MARCHF1: variants seen among roughly 807,000 people sequenced by gnomAD.
MARCHF1 encodes membrane associated ring-CH-type finger 1.
A neutral mutation model predicts 54.2 loss-of-function variants in MARCHF1; 40 were observed. The ratio of observed to expected loss-of-function variants is 0.74; its 90% CI spans 0.57 to 0.96. MARCHF1 has a LOEUF of 0.96. MARCHF1 is among the 40% of genes least tolerant of loss of function. MARCHF1 has a pLI of 0.00. For synonymous variants in MARCHF1, 236 were observed against 236.3 expected, an observed-to-expected ratio of 1.00 and a Z score of 0.01; for missense variants, 586 against 656.5, an observed-to-expected ratio of 0.89 and a Z score of 1.17.
At chr4:164,378,473 A>G (rs1338396637) in intron 1 of MARCHF1, among the ~76,000 whole-genome samples, 2 of 152,246 alleles carry the variant, frequency 1.3e-5, no homozygotes, top group African/African-American at 2.4e-5. Context: ...GCGGATTCTC[A>G]GGAGTCTTGT....
intron 1 of MARCHF1, among the ~76,000 whole-genome samples, chr4:164,348,590 T>C (rs1272874923): frequency 6.6e-6 from 1 of 152,170 alleles, no homozygotes; most frequent in East Asian, 1.9e-4. Context: ...GAGACAGATC[T>C]TGAGAAACAC....
intron 3 of MARCHF1, among the ~76,000 whole-genome samples, chr4:163,918,481 CA>C (rs1751358036): frequency 1.3e-5 from 2 of 151,816 alleles, no homozygotes; most frequent in South Asian, 4.2e-4. Flanking sequence ...GGTAAGAGGC[CA>C]AAATCTGAAA....
intron 1 of MARCHF1, among the ~76,000 whole-genome samples, chr4:164,259,544 C>CAAAAAAAAAAAAAAAAA (rs141030578): frequency 1.7e-5 from 1 of 58,960 alleles, no homozygotes; most frequent in African/African-American, 5.5e-5. Context: ...GACCGTGTCT[C>CAAAAAAAAAAAAAAAAA]AAAAAAAAAA....
At chr4:164,001,808 C>T (rs1005827053) in intron 2 of MARCHF1, among the ~76,000 whole-genome samples, 10 of 151,696 alleles carry the variant, frequency 6.6e-5, no homozygotes, top group African/African-American at 1.9e-4. Context: ...TCCTAAAATC[C>T]GTATAACTGT....
intron 9 of MARCHF1, among the ~76,000 whole-genome samples, chr4:163,535,844 G>T (rs890691131): frequency 1.3e-5 from 2 of 151,522 alleles, no homozygotes; most frequent in African/African-American, 4.9e-5. Flanking sequence ...GTAGACCATA[G>T]GTTCACCACT....
intron 5 of MARCHF1, among the ~76,000 whole-genome samples, chr4:163,634,871 A>G (rs1402243855): frequency 2.2e-5 from 3 of 137,770 alleles, no homozygotes; most frequent in Non-Finnish European, 4.5e-5. Context: ...AGCAAATGTA[A>G]AAGAACAGAG....
intron 1 of MARCHF1, among the ~76,000 whole-genome samples, chr4:164,121,124 T>TA (rs755984941): frequency 6.6e-6 from 1 of 151,722 alleles, no homozygotes; most frequent in African/African-American, 2.4e-5. Flanking sequence ...AAATCAGAAA[T>TA]AAAAAAGGAG....
chr4:164,167,570 A>C (rs200480718), intron 1 of MARCHF1, among the ~76,000 whole-genome samples: 28,604 of 151,560 alleles, frequency 0.19, 4,321 homozygotes, highest in African/African-American at 0.41. Context: ...TAGTATTGTA[A>C]AAAAAAGACA....
intron 3 of MARCHF1, among the ~76,000 whole-genome samples, chr4:163,928,788 C>T (rs976369692): frequency 3.3e-5 from 5 of 151,868 alleles, no homozygotes; most frequent in African/African-American, 1.2e-4. Context: ...ACTTTAAGGA[C>T]TAACTTTTTA....
At chr4:164,220,375 T>C (rs967903785) in intron 1 of MARCHF1, among the ~76,000 whole-genome samples, 3 of 147,506 alleles carry the variant, frequency 2.0e-5, no homozygotes, top group African/African-American at 7.4e-5. Flanking sequence ...TTCCCATATA[T>C]ATTCCATTCC....
intron 4 of MARCHF1, among the ~76,000 whole-genome samples, chr4:163,817,337 A>G (rs1467937999): frequency 1.3e-5 from 2 of 151,932 alleles, no homozygotes; most frequent in African/African-American, 4.8e-5. Context: ...ATATACATAT[A>G]TATGTACATA....
rs532596306 is a variant in MARCHF1, at chr4:163,725,831, TA to T, written c.112-24969del. ...TGAAAGAATTAAATGAGATATTATG[TA>T]AAAGTTTTTAGCCTAACATACAGTT... On this transcript the variant is annotated intron_variant, in intron 4 of 9. Coordinates refer to ENST00000514618, the MANE Select transcript of MARCHF1 (RefSeq NM_001394959.1). Among the ~76,000 whole-genome samples the T allele has an allele frequency of 1.6e-3, 239 of 152,330 alleles. 3 individuals carry two copies. The highest frequency in any genetic ancestry group is 9.0e-3 in the Admixed American group (138 of 15,300).
chr4:163,712,296 G>T (rs902153615), intron 4 of MARCHF1, among the ~76,000 whole-genome samples: 8 of 152,162 alleles, frequency 5.3e-5, no homozygotes, highest in Non-Finnish European at 1.2e-4. Flanking sequence ...AAACCTTCAT[G>T]GGTCACACAC....
intron 2 of MARCHF1, among the ~76,000 whole-genome samples, chr4:164,073,257 C>T (rs953674541): frequency 9.2e-5 from 14 of 152,150 alleles, no homozygotes; most frequent in Admixed American, 2.0e-4. Flanking sequence ...AAATCCCCAT[C>T]AGTGATAGAC....
At position 164,090,689 on chromosome 4, in the gene MARCHF1, G is replaced by A. The variant is rs148995282; in HGVS notation, c.-248+20899C>T. Among the ~76,000 whole-genome samples, 273 of 152,084 alleles carry A rather than the reference G, an allele frequency of 1.8e-3. 1 individual carries two copies. Among genetic ancestry groups the A allele is most frequent in the Middle Eastern group, 3.4e-3 (1 of 294 alleles). ...AGTAATCTCAAGATTAACAGGATAG[G>A]ATTAAGAGATCTTATTGAGATAAGA... On this transcript the variant is annotated intron_variant, in intron 2 of 9. Transcript: ENST00000514618.
chr4:163,555,874 C>T (rs559199952), intron 8 of MARCHF1: 61 of 453,412 alleles, frequency 1.3e-4, no homozygotes, highest in African/African-American at 1.0e-3. Context: ...CTATGGCACA[C>T]GTGGAATCTG....
intron 4 of MARCHF1, among the ~76,000 whole-genome samples, chr4:163,770,215 A>G (rs919102344): frequency 1.3e-5 from 2 of 152,180 alleles, no homozygotes; most frequent in Non-Finnish European, 2.9e-5. Context: ...CAAAGCTTAT[A>G]CAGAAATTTT....
chr4:163,778,803 C>T (rs959558060), intron 4 of MARCHF1, among the ~76,000 whole-genome samples: 6 of 151,902 alleles, frequency 3.9e-5, no homozygotes, highest in Non-Finnish European at 7.4e-5. Context: ...ACAATGTGTA[C>T]ACGTGGATGA....
intron 1 of MARCHF1, among the ~76,000 whole-genome samples, chr4:164,277,571 G>A (rs1733919223): frequency 6.6e-6 from 1 of 152,288 alleles, no homozygotes; most frequent in South Asian, 2.1e-4. Flanking sequence ...AGAAAGGATC[G>A]TCTTTCCACT....
Sources: gnomAD v4.1 joint callset for allele counts (sites outside exome capture counted in the v4.1 genomes callset) on GRCh38, gnomAD v4.1.1 for gene constraint, MANE v1.5 for transcripts, NCBI Gene and HGNC (gene_info 2026-07-23, HGNC 2026-07-21) for gene names.